ARID1B: variants seen among roughly 807,000 people sequenced by gnomAD.
ARID1B encodes the protein AT-rich interaction domain 1B.
In ARID1B, 30 loss-of-function variants were observed where a neutral mutation model predicts 212.3. The observed-to-expected ratio is 0.14, with a 90% confidence interval of 0.11 to 0.19. The LOEUF is 0.19. Among genes scored for constraint, ARID1B ranks in the 10% least tolerant of loss-of-function variants. The pLI is 1.00. For synonymous variants in ARID1B, 1,402 were observed against 1,301.7 expected (o/e 1.08, Z -1.66); for missense variants, 2,891 against 3,204.0 (o/e 0.90, Z 2.36).
intron 4 of ARID1B, among the ~76,000 whole-genome samples, chr6:157,046,708 AT>A (rs1782265592): frequency 6.6e-6 from 1 of 152,328 alleles, no homozygotes; most frequent in East Asian, 1.9e-4. Flanking sequence ...AAATCCTTTC[AT>A]TAAGTGAAGC....
At chr6:156,967,644 G>A (rs1350154335) in intron 4 of ARID1B, among the ~76,000 whole-genome samples, 1 of 152,102 alleles carries the variant, frequency 6.6e-6, no homozygotes, top group Non-Finnish European at 1.5e-5. Context: ...TTTCCAATCT[G>A]TTATGGTTTA....
At chr6:157,103,193 A>G (rs985419349) in intron 5 of ARID1B, among the ~76,000 whole-genome samples, 2 of 152,226 alleles carry the variant, frequency 1.3e-5, no homozygotes, top group Admixed American at 1.3e-4. Context: ...CAGATGAGTT[A>G]CAAAGATCTA....
chr6:157,103,831 C>T (rs1786262056), intron 5 of ARID1B, among the ~76,000 whole-genome samples: 1 of 118,354 alleles, frequency 8.4e-6, no homozygotes, highest in African/African-American at 3.5e-5. Context: ...ATATTAACAA[C>T]TTTTTTTTTT....
intron 2 of ARID1B, among the ~76,000 whole-genome samples, chr6:156,844,619 T>G (rs1426096756): frequency 4.6e-5 from 7 of 152,214 alleles, no homozygotes; most frequent in Non-Finnish European, 1.0e-4. Flanking sequence ...CTCTGAGTGT[T>G]TGTTCTGGTG....
intron 4 of ARID1B, among the ~76,000 whole-genome samples, chr6:157,080,816 C>T (rs1186678345): frequency 6.6e-6 from 1 of 152,158 alleles, no homozygotes; most frequent in Non-Finnish European, 1.5e-5. Context: ...TTGCAGGGAA[C>T]TGTCATTTAA....
chr6:156,951,030 C>A (rs1266383426), intron 4 of ARID1B, among the ~76,000 whole-genome samples: 1 of 152,068 alleles, frequency 6.6e-6, no homozygotes, highest in African/African-American at 2.4e-5. Context: ...GAATTAATTT[C>A]TTTATAAAAG....
intron 4 of ARID1B, chr6:157,036,935 T>G: frequency 2.1e-6 from 1 of 477,454 alleles, no homozygotes; most frequent in South Asian, 1.6e-5. Context: ...TAGGTGGATT[T>G]GAAGGTTCAA....
chr6:157,200,279 C>T lies in ARID1B; in HGVS notation c.4480-426C>T, dbSNP rs1185164393. ...GGGGGCTTTTCTGTAAAATGAGGCC[C>T]AAGAAACCCTTTTACCCCAAGACCC... On this transcript the variant is annotated intron_variant, in intron 17 of 19. Coordinates refer to ENST00000636930, the MANE Select transcript of ARID1B (RefSeq NM_001374828.1). This position sits in a 1 kb window ranked among gnomAD's most constrained non-coding sequence, Gnocchi z 4.3. Among the ~76,000 whole-genome samples the T allele has an allele frequency of 6.6e-6, 1 of 152,126 alleles. No homozygotes were observed. The highest frequency in any genetic ancestry group is 1.5e-5 in the Non-Finnish European group (1 of 68,006).
intron 6 of ARID1B, among the ~76,000 whole-genome samples, chr6:157,118,201 C>G (rs553688133): frequency 3.2e-4 from 48 of 152,182 alleles, no homozygotes; most frequent in African/African-American, 1.1e-3. Context: ...GGAGACCACC[C>G]GGATAATTGT....
rs926920281 is a variant in ARID1B, at chr6:157,148,504, G to A, written c.2762-120G>A. The A allele has an allele frequency of 2.8e-6, 3 of 1,074,946 alleles. No individual in the cohort carries two copies. The highest frequency in any genetic ancestry group is 1.6e-5 in the African/African-American group (1 of 62,892). 66.6% of individuals were successfully genotyped at this position (1,074,946 alleles called of 1,614,324 possible). On this transcript the variant is annotated intron_variant, in intron 7 of 19. Transcript: ENST00000636930. The surrounding 1 kb of genome is among the most constrained non-coding windows in gnomAD (Gnocchi z 5.6). The stretch of plus-strand genomic sequence containing the variant: ...AGCTGCACCAGCAGCAACAGGAAGG[G>A]CCTATAACGGTCATGACTAATACTC...
chr6:156,894,361 TC>T (rs1464886276), intron 2 of ARID1B, among the ~76,000 whole-genome samples: 1 of 151,762 alleles, frequency 6.6e-6, no homozygotes, highest in Admixed American at 6.6e-5. Flanking sequence ...GCACAGAGTT[TC>T]CATTTGGGAT....
At chr6:156,896,028 A>G (rs1374344152) in intron 2 of ARID1B, among the ~76,000 whole-genome samples, 1 of 152,158 alleles carries the variant, frequency 6.6e-6, no homozygotes, top group Non-Finnish European at 1.5e-5. Flanking sequence ...TTAGTTTTGT[A>G]CCATTTTGAT....
chr6:156,806,079 A>G (rs1034773593), intron 1 of ARID1B, among the ~76,000 whole-genome samples: 4 of 152,262 alleles, frequency 2.6e-5, no homozygotes, highest in Non-Finnish European at 5.9e-5. Flanking sequence ...TGTCACATTC[A>G]CTAAATTAGG....
chr6:157,087,273 T>G (rs185896933), intron 5 of ARID1B, among the ~76,000 whole-genome samples: 1 of 152,366 alleles, frequency 6.6e-6, no homozygotes, highest in Admixed American at 6.5e-5. Flanking sequence ...CTTAGTATAT[T>G]CGCCATGGAG....
chr6:156,997,802 G>A (rs935239881), intron 4 of ARID1B, among the ~76,000 whole-genome samples: 10 of 152,052 alleles, frequency 6.6e-5, no homozygotes, highest in East Asian at 1.9e-4. Context: ...AAGAATTGGC[G>A]TGAAACTCTG....
intron 4 of ARID1B, among the ~76,000 whole-genome samples, chr6:157,026,162 C>T (rs1288344083): frequency 1.3e-5 from 2 of 152,154 alleles, no homozygotes; most frequent in African/African-American, 4.8e-5. Context: ...CGACCTCAGG[C>T]GATCCACCTC....
chr6:157,000,247 A>G (rs73578077), intron 4 of ARID1B, among the ~76,000 whole-genome samples: 5,381 of 152,242 alleles, frequency 0.035, 308 homozygotes, highest in African/African-American at 0.12. Flanking sequence ...AATGAATTCT[A>G]AAGCTGACTG....
At chr6:157,015,668 C>A (rs1260429317) in intron 4 of ARID1B, among the ~76,000 whole-genome samples, 1 of 152,198 alleles carries the variant, frequency 6.6e-6, no homozygotes, top group Non-Finnish European at 1.5e-5. Context: ...TAGCCTGTTT[C>A]TATTGGGAGC....
At chr6:157,031,097 A>G (rs1780991679) in intron 4 of ARID1B, among the ~76,000 whole-genome samples, 1 of 151,644 alleles carries the variant, frequency 6.6e-6, no homozygotes, top group Non-Finnish European at 1.5e-5. Flanking sequence ...TTTTTAATGG[A>G]TTAAAATCCC....
Sources: allele counts gnomAD v4.1 joint callset (sites outside exome capture counted in the v4.1 genomes callset), GRCh38; gene constraint gnomAD v4.1.1; non-coding constraint Gnocchi (gnomAD v3.1); transcripts MANE v1.5; gene names NCBI Gene and HGNC (gene_info 2026-07-23, HGNC 2026-07-21).